Variants in PRR16 observed in about 807,000 individuals in gnomAD.
The protein encoded by PRR16 is proline rich 16.
Under a neutral mutation model 18.2 loss-of-function variants are expected in PRR16, and 6 were observed. That is an observed-to-expected ratio of 0.33 (90% CI 0.18 to 0.65). PRR16 has a LOEUF of 0.65. Ranked by LOEUF, PRR16 falls within the 30% of genes least tolerant of loss-of-function variation. The probability of loss-of-function intolerance (pLI) is 0.74; values close to 1 mark genes in which losing one functional copy is unlikely to be tolerated. For synonymous variants in PRR16, 151 were observed against 147.8 expected (o/e 1.02, Z -0.16); for missense variants, 412 against 376.6 (o/e 1.09, Z -0.78).
At chr5:120,521,186 C>T (rs985398374) in intron 1 of PRR16, among the ~76,000 whole-genome samples, 3 of 152,002 alleles carry the variant, frequency 2.0e-5, no homozygotes, top group Non-Finnish European at 4.4e-5. Flanking sequence ...AGGAGCATAA[C>T]CTTGGATGAG....
At chr5:120,711,755 A>G in the PRR16 span, among the ~76,000 whole-genome samples, 1 of 152,160 alleles carries the variant, frequency 6.6e-6, no homozygotes, top group Admixed American at 6.5e-5. Flanking sequence ...ATAGTCTATG[A>G]TCTGCAAAGC....
chr5:120,574,228 A>G (rs1465434318), intron 1 of PRR16, among the ~76,000 whole-genome samples: 1 of 152,170 alleles, frequency 6.6e-6, no homozygotes, highest in African/African-American at 2.4e-5. Flanking sequence ...TGTTTTGAGA[A>G]TATAATAATT....
rs3047956 is a variant in PRR16, at chr5:120,575,318, A to AACACACACACACACACAC, written c.160-110617_160-110600dup. 8.8e-3 allele frequency among the ~76,000 whole-genome samples: 1,211 copies of AACACACACACACACACAC among 138,202 alleles called. 14 individuals carry two copies. The highest frequency in any genetic ancestry group is 0.017 in the African/African-American group (621 of 36,770). 90.7% of individuals were successfully genotyped at this position (138,202 alleles called of 152,430 possible). A position where few individuals can be genotyped will look rare whatever the true frequency, so the allele number is the denominator to read the frequency against. ...CCTTGATTACAAAACCAGACAAGGAAACACACACACACACACACACACACA... is the reference window on the plus strand; with the variant it reads ...CCTTGATTACAAAACCAGACAAGGAAACACACACACACACACACACACACACACACACACACACACACA... On this transcript the variant is annotated intron_variant, in intron 1 of 1. Transcript: ENST00000407149.
intron 1 of PRR16, among the ~76,000 whole-genome samples, chr5:120,488,547 T>C (rs1749902620): frequency 6.6e-6 from 1 of 152,202 alleles, no homozygotes; most frequent in Admixed American, 6.5e-5. Context: ...CTTTTCTTCT[T>C]TATTAGCCTT....
rs556931596 is a variant in PRR16, at chr5:120,633,023, A to G, written c.160-52931A>G. On this transcript the variant is annotated intron_variant, in intron 1 of 1. Coordinates refer to ENST00000407149, the MANE Select transcript of PRR16 (RefSeq NM_001300783.2). ...ACAAAGGAAAACCTATCAGATTTAC[A>G]GCAGATTTTTCAGCAGAAACCATCA... Among the ~76,000 whole-genome samples, 3 of 152,338 alleles carry G rather than the reference A, an allele frequency of 2.0e-5. No homozygotes were observed. In the East Asian group the frequency reaches 5.8e-4, roughly 29 times the overall value.
intron 1 of PRR16, among the ~76,000 whole-genome samples, chr5:120,469,980 C>T (rs1444264603): frequency 1.3e-5 from 2 of 152,094 alleles, no homozygotes; most frequent in Non-Finnish European, 2.9e-5. Flanking sequence ...GATAATAAAG[C>T]CAGTGTAATA....
At chr5:120,683,443 G>A (rs756189030) in intron 1 of PRR16, among the ~76,000 whole-genome samples, 1 of 150,674 alleles carries the variant, frequency 6.6e-6, no homozygotes, top group Non-Finnish European at 1.5e-5. Flanking sequence ...TGGAGGTTGC[G>A]GTGAGCTGAG....
chr5:120,610,147 T>C (rs1468901785), intron 1 of PRR16, among the ~76,000 whole-genome samples: 1 of 152,084 alleles, frequency 6.6e-6, no homozygotes, highest in Non-Finnish European at 1.5e-5. Flanking sequence ...TCTTCATCTG[T>C]TTGCTAGTGC....
intron 1 of PRR16, among the ~76,000 whole-genome samples, chr5:120,556,468 C>T (rs961178628): frequency 2.0e-5 from 3 of 151,794 alleles, no homozygotes; most frequent in Non-Finnish European, 4.4e-5. Flanking sequence ...CAGTATACAT[C>T]TCTGGGACTG....
chr5:120,674,633 G>A (rs569431750), intron 1 of PRR16, among the ~76,000 whole-genome samples: 1 of 151,934 alleles, frequency 6.6e-6, no homozygotes, highest in Non-Finnish European at 1.5e-5. Context: ...TCAGCACTCA[G>A]TTGGCCCTTT....
At chr5:120,511,324 C>G (rs923704687) in intron 1 of PRR16, among the ~76,000 whole-genome samples, 3 of 152,128 alleles carry the variant, frequency 2.0e-5, no homozygotes, top group Non-Finnish European at 4.4e-5. Context: ...AAAATGGACT[C>G]TCTCTTGGAC....
intron 1 of PRR16, among the ~76,000 whole-genome samples, chr5:120,484,305 A>G (rs2112814697): frequency 6.8e-6 from 1 of 146,894 alleles, no homozygotes; most frequent in Non-Finnish European, 1.5e-5. Context: ...TGTATAATAT[A>G]TAATATATAA....
the PRR16 span, among the ~76,000 whole-genome samples, chr5:120,778,755 A>G: frequency 3.3e-5 from 5 of 152,174 alleles, no homozygotes; most frequent in Non-Finnish European, 7.4e-5. Flanking sequence ...ACAAAATCCA[A>G]CTTGCTGATT....
intron 1 of PRR16, among the ~76,000 whole-genome samples, chr5:120,543,471 T>A (rs1751979473): frequency 6.6e-6 from 1 of 152,200 alleles, no homozygotes; most frequent in South Asian, 2.1e-4. Context: ...GATATTGCAG[T>A]GTAACTGGAT....
chr5:120,661,751 A>G (rs1440374704), intron 1 of PRR16, among the ~76,000 whole-genome samples: 1 of 151,962 alleles, frequency 6.6e-6, no homozygotes, highest in African/African-American at 2.4e-5. Flanking sequence ...TAAAATCTGT[A>G]TTTCCAAAGT....
chr5:120,686,322 C>G lies in PRR16; in HGVS notation c.528C>G (p.Asn176Lys). The G allele has an allele frequency of 6.2e-7, 1 of 1,614,166 alleles. No homozygotes were observed. The highest frequency in any genetic ancestry group is 1.3e-5 in the African/African-American group (1 of 75,022). The change falls in exon 2 of 2, where the codon AAC becomes AAG. Residue 176 changes from asparagine (N) to lysine (K), a missense_variant. Transcript: ENST00000407149. ...ATGGAGATATCTGCTGCATACCCAA[C>G]AGTAACTTGGACAAGGCTCCAGTCC... ...IPNGDICCIP[N>K]SNLDKAPVQL...
chr5:120,571,944 A>G (rs2112737002), intron 1 of PRR16, among the ~76,000 whole-genome samples: 1 of 152,166 alleles, frequency 6.6e-6, no homozygotes, highest in East Asian at 1.9e-4. Flanking sequence ...GACTCAGGTG[A>G]GTGTCTCCCT....
intron 1 of PRR16, among the ~76,000 whole-genome samples, chr5:120,613,225 A>C (rs188251173): frequency 6.6e-6 from 1 of 152,296 alleles, no homozygotes; most frequent in East Asian, 1.9e-4. Context: ...TTGTTATTTA[A>C]CTGCTGATTT....
intron 1 of PRR16, among the ~76,000 whole-genome samples, chr5:120,539,594 C>CA (rs1428064748): frequency 4.6e-5 from 7 of 151,914 alleles, no homozygotes; most frequent in African/African-American, 1.7e-4. Context: ...AAATTATCTG[C>CA]ATACCAAACC....
Sources: allele counts gnomAD v4.1 joint callset (sites outside exome capture counted in the v4.1 genomes callset), GRCh38; gene constraint gnomAD v4.1.1; transcripts MANE v1.5; gene names NCBI Gene and HGNC (gene_info 2026-07-23, HGNC 2026-07-21).